The following YTHDC1 variants were observed in gnomAD, a reference collection of about 807,000 sequenced individuals.
YTHDC1 encodes YTH domain-containing protein 1.
Under a neutral mutation model 107.0 loss-of-function variants are expected in YTHDC1, and 12 were observed. The ratio of observed to expected loss-of-function variants is 0.11; its 90% CI spans 0.07 to 0.18. The LOEUF is 0.18. YTHDC1 is among the 10% of genes least tolerant of loss of function. The pLI is 1.00. For synonymous variants in YTHDC1, 280 were observed against 289.5 expected (o/e 0.97, Z 0.33); for missense variants, 635 against 898.8 (o/e 0.71, Z 3.75).
At chr4:68,342,021 T>C (rs376594647) in intron 1 of YTHDC1, among the ~76,000 whole-genome samples, 1 of 152,312 alleles carries the variant, frequency 6.6e-6, no homozygotes, top group East Asian at 1.9e-4. Context: ...CTATGTGATA[T>C]ATATAAAATC....
At position 68,322,790 on chromosome 4, in the gene YTHDC1, T is replaced by A; in HGVS notation, c.1560A>T (p.Arg520=). The change falls in exon 11 of 17, where the codon CGA becomes CGT. Residue 520 remains arginine (R), a synonymous_variant. Transcript: ENST00000344157. The surrounding 1 kb of genome is among the most constrained non-coding windows in gnomAD (Gnocchi z 4.8). The part of the protein sequence containing the change: ...KRRMHSQPRS[R]GRPSRREPVR... The stretch of plus-strand genomic sequence containing the variant: ...CTGGTTCTCGACGGGATGGACGTCC[T>A]CGTGATCGGGGCTGAGAATGCATTC... The A allele has an allele frequency of 6.2e-7, 1 of 1,614,150 alleles. No individual in the cohort carries two copies. The highest frequency in any genetic ancestry group is 8.5e-7 in the Non-Finnish European group (1 of 1,180,000).
At chr4:68,344,225 A>C (rs1469710430) in intron 1 of YTHDC1, 1 of 151,584 alleles carries the variant, frequency 6.6e-6, no homozygotes, top group African/African-American at 2.4e-5. Flanking sequence ...AAAAAAAAAC[A>C]AACTCATGAT....
chr4:68,315,971 C>G (rs995909969), intron 16 of YTHDC1: 1 of 163,504 alleles, frequency 6.1e-6, no homozygotes, highest in African/African-American at 2.4e-5. Flanking sequence ...AGTAAGAATA[C>G]ACAAAAAGTT....
At position 68,314,273 on chromosome 4, in the gene YTHDC1, A is replaced by G. The variant is rs1721574309; in HGVS notation, c.2010T>C (p.Val670=). ...GGGGTCTACTTCTCCGGCCACTGAC[A>G]ACAGCTTGTGTGCGACGAAGGAAAT... ...VDDFLRRTQA[V]VSGRRSRPRE... The change falls in exon 17 of 17, where the codon GTT becomes GTC. Residue 670 remains valine (V), a synonymous_variant. Coordinates refer to ENST00000344157, the MANE Select transcript of YTHDC1 (RefSeq NM_001031732.4). The G allele has an allele frequency of 1.9e-6, 3 of 1,614,100 alleles. No homozygotes were observed. Among genetic ancestry groups the G allele is most frequent in the Non-Finnish European group, 2.5e-6 (3 of 1,180,018 alleles).
At chr4:68,333,251 C>G (rs1723786862) in intron 5 of YTHDC1, 57 bp downstream of exon 5, 2 of 1,375,452 alleles carry the variant, frequency 1.5e-6, no homozygotes, top group East Asian at 4.6e-5. Context: ...CCTCCACACG[C>G]TTTCTAAAGC....
At position 68,322,123 on chromosome 4, in the gene YTHDC1, T is replaced by C. The variant is rs755831965; in HGVS notation, c.1601+626A>G. Among the ~76,000 whole-genome samples, 2 of 152,206 alleles carry C rather than the reference T, an allele frequency of 1.3e-5. No homozygotes were observed. Among genetic ancestry groups the C allele is most frequent in the African/African-American group, 2.4e-5 (1 of 41,450 alleles). On this transcript the variant is annotated intron_variant, in intron 11 of 16. Transcript: ENST00000344157. The surrounding 1 kb of genome is among the most constrained non-coding windows in gnomAD (Gnocchi z 4.8). Reference sequence around the variant, plus strand: ...CTTGATCCCCTTTGGAAAGAACCTATTGTTTTCAGAAGCTCAGCAAGATGT... The same window carrying C: ...CTTGATCCCCTTTGGAAAGAACCTACTGTTTTCAGAAGCTCAGCAAGATGT...
intron 16 of YTHDC1, among the ~76,000 whole-genome samples, chr4:68,314,567 CA>C (rs1407987955): frequency 6.6e-6 from 1 of 152,150 alleles, no homozygotes; most frequent in Non-Finnish European, 1.5e-5. Context: ...ACAGATTATT[CA>C]AATCTCTTTA....
rs1388629820 is a variant in YTHDC1 at position 68,313,750 on chromosome 4, TATCA to T, written c.*345_*348del. ...CATCAAAGCAAAATATCATGGCAGT[TATCA>T]ATCAAGATCCAAAAAGGAAAAAAAC... On this transcript the variant is annotated 3_prime_UTR_variant, in exon 17 of 17. Coordinates refer to ENST00000344157, the MANE Select transcript of YTHDC1 (RefSeq NM_001031732.4). 1 of 243,694 alleles carries T rather than the reference TATCA, an allele frequency of 4.1e-6. No homozygotes were observed. Among genetic ancestry groups the T allele is most frequent in the Non-Finnish European group, 8.0e-6 (1 of 125,096 alleles). 15.1% of individuals were successfully genotyped at this position (243,694 alleles called of 1,614,324 possible).
rs751895030 is a variant in YTHDC1 at position 68,314,112 on chromosome 4, C to T, written c.2171G>A (p.Arg724Gln). 9 of 1,614,030 alleles carry T rather than the reference C, an allele frequency of 5.6e-6. No individual in the cohort carries two copies. Among genetic ancestry groups the T allele is most frequent in the Non-Finnish European group, 7.6e-6 (9 of 1,179,998 alleles). ...DRDRDRGERG[R>Q]YRR is the part of the protein sequence containing the mutation. ...TCCAAAAGCCCATTATCTTCTATAT[C>T]GACCTCTCTCCCCTCGGTCTCTGTC... The change falls in exon 17 of 17, where the codon CGA becomes CAA. Residue 724 changes from arginine to glutamine, a missense_variant. Around this residue, in one of 5 missense-constraint regions of YTHDC1, gnomAD observed 256 missense variants for 372.9 expected, o/e 0.69. Transcript: ENST00000344157.
chr4:68,345,523 GTT>G (rs1725311411), intron 1 of YTHDC1, among the ~76,000 whole-genome samples: 1 of 152,044 alleles, frequency 6.6e-6, no homozygotes, highest in African/African-American at 2.4e-5. Context: ...CAGTTTCTCA[GTT>G]TTTGTCATTG....
rs1036301384 is a variant in YTHDC1 at position 68,311,122 on chromosome 4, T to G, written c.*2977A>C. On this transcript the variant is annotated 3_prime_UTR_variant, in exon 17 of 17. Coordinates refer to ENST00000344157, the MANE Select transcript of YTHDC1 (RefSeq NM_001031732.4). ...AATGCTGGGAGACAAAGAACCCCAT[T>G]TCCTTGGAAATACAGATTGGATTAC... 2.6e-5 allele frequency: 4 copies of G among 152,096 alleles called. No individual in the cohort carries two copies. The highest frequency in any genetic ancestry group is 5.9e-5 in the Non-Finnish European group (4 of 68,026). The allele number at this position is 152,096 out of a possible 1,614,324, so 9.4% of individuals were successfully genotyped here.
intron 1 of YTHDC1, 87 bp from the exon 2 acceptor site, chr4:68,338,471 C>T (rs1482118007): frequency 1.2e-5 from 10 of 852,632 alleles, no homozygotes; most frequent in Middle Eastern, 2.8e-4. Flanking sequence ...AGGCCACAAG[C>T]GCCTAGGAGC....
rs936162842 is a variant in YTHDC1, at chr4:68,310,786, G to T, written c.*3313C>A. ...CTCTAGCTTGGTCAGTTAACTGCTG[G>T]CAACAGTTCCTTCTTCAATTCCATG... On this transcript the variant is annotated 3_prime_UTR_variant, in exon 17 of 17. Transcript: ENST00000344157. The T allele has an allele frequency of 1.3e-5, 2 of 152,142 alleles. No individual in the cohort carries two copies. The highest frequency in any genetic ancestry group is 6.5e-5 in the Admixed American group (1 of 15,278). 9.4% of individuals were successfully genotyped at this position (152,142 alleles called of 1,614,324 possible). A position where few individuals can be genotyped will look rare whatever the true frequency, so the allele number is the denominator to read the frequency against.
At position 68,314,051 on chromosome 4, in the gene YTHDC1, A is replaced by C. The variant is rs77120616; in HGVS notation, c.*48T>G. 3.2e-6 allele frequency: 5 copies of C among 1,578,268 alleles called. No homozygotes were observed. The highest frequency in any genetic ancestry group is 2.6e-6 in the Non-Finnish European group (3 of 1,158,930). ...ACTTGTAAACACACACAAAAAAAAA[A>C]TACAAGATTTTTTGTATCTTTAAAC... On this transcript the variant is annotated 3_prime_UTR_variant, in exon 17 of 17. Transcript: ENST00000344157.
chr4:68,345,482 T>C (rs888007040), intron 1 of YTHDC1, among the ~76,000 whole-genome samples: 4 of 152,308 alleles, frequency 2.6e-5, no homozygotes, highest in South Asian at 2.1e-4. Flanking sequence ...CCCCCTTCTA[T>C]TGTCTTGTAA....
chr4:68,337,714 T>C lies in YTHDC1; in HGVS notation c.317A>G (p.Asn106Ser), dbSNP rs751912747. The stretch of plus-strand genomic sequence containing the variant: ...TTTCCGATCAGCATCTAGACGCTTG[T>C]TTCTTTCAGATCTTTGATATTCCTC... ...KNEEYQRSER[N>S]KRLDADRKIR... The change falls in exon 3 of 17, where the codon AAC (asparagine) becomes AGC (serine). Residue 106 changes from asparagine to serine, a missense_variant. Transcript: ENST00000344157. The C allele has an allele frequency of 6.2e-7, 1 of 1,614,178 alleles. No individual in the cohort carries two copies. Among genetic ancestry groups the C allele is most frequent in the South Asian group, 1.1e-5 (1 of 91,086 alleles).
chr4:68,343,524 TAAAAAA>T (rs10657692), intron 1 of YTHDC1, among the ~76,000 whole-genome samples: 10 of 121,016 alleles, frequency 8.3e-5, no homozygotes, highest in African/African-American at 2.3e-4. Flanking sequence ...TTAAAATCTT[TAAAAAA>T]AAAAAAAAAA....
intron 1 of YTHDC1, among the ~76,000 whole-genome samples, chr4:68,345,170 TA>T (rs1272572518): frequency 6.6e-6 from 1 of 152,184 alleles, no homozygotes; most frequent in Non-Finnish European, 1.5e-5. Flanking sequence ...AAATTTACCA[TA>T]ATCTTTACAT....
intron 1 of YTHDC1, among the ~76,000 whole-genome samples, chr4:68,342,591 T>A (rs2319887): frequency 2.0e-5 from 3 of 152,050 alleles, no homozygotes; most frequent in Non-Finnish European, 4.4e-5. Context: ...AATTATATAC[T>A]TGAGGTGCAT....
Sources: allele counts gnomAD v4.1 joint callset (sites outside exome capture counted in the v4.1 genomes callset), GRCh38; gene constraint gnomAD v4.1.1; regional missense constraint gnomAD v4.1.1; non-coding constraint Gnocchi (gnomAD v3.1); transcripts MANE v1.5; gene names NCBI Gene and HGNC (gene_info 2026-07-23, HGNC 2026-07-21).